Variants in NALF1 observed in about 807,000 individuals in gnomAD.
NALF1 encodes family with sequence similarity 155 member A.
In NALF1, 3 loss-of-function variants were observed where a neutral mutation model predicts 48.4. The observed-to-expected ratio is 0.06, with a 90% CI of 0.03 to 0.16. NALF1 has a LOEUF of 0.16. NALF1 is among the 10% of genes least tolerant of loss of function. The pLI is 1.00. For synonymous variants in NALF1, 262 were observed against 245.7 expected (o/e 1.07, Z -0.62); for missense variants, 526 against 571.5 (o/e 0.92, Z 0.81).
intron 1 of NALF1, among the ~76,000 whole-genome samples, chr13:107,708,374 A>G (rs1428922169): frequency 6.6e-6 from 1 of 152,156 alleles, no homozygotes; most frequent in African/African-American, 2.4e-5. Context: ...CATTCCTAAC[A>G]AATGCAGTCA....
intron 1 of NALF1, among the ~76,000 whole-genome samples, chr13:107,694,297 TTCCA>T (rs1881646539): frequency 7.5e-6 from 1 of 132,494 alleles, no homozygotes; most frequent in Non-Finnish European, 1.7e-5. Context: ...CTCAATACTA[TTCCA>T]CCTGCTTTAT....
chr13:107,855,278 C>T (rs907966838), intron 1 of NALF1, among the ~76,000 whole-genome samples: 1 of 152,224 alleles, frequency 6.6e-6, no homozygotes, highest in African/African-American at 2.4e-5. Context: ...ATTGTCCAAC[C>T]CCCGGCCCGT....
intron 1 of NALF1, among the ~76,000 whole-genome samples, chr13:107,321,881 A>G (rs1439180237): frequency 6.6e-6 from 1 of 152,156 alleles, no homozygotes. Context: ...AAAAAACGGT[A>G]TATATTTCAT....
chr13:107,247,160 G>A (rs1193172096), intron 1 of NALF1, among the ~76,000 whole-genome samples: 1 of 152,086 alleles, frequency 6.6e-6, no homozygotes, highest in Non-Finnish European at 1.5e-5. Flanking sequence ...AGATGGAAAT[G>A]CAACAGTGAA....
chr13:107,855,282 G>A (rs1163821556), intron 1 of NALF1, among the ~76,000 whole-genome samples: 8 of 152,262 alleles, frequency 5.3e-5, no homozygotes, highest in South Asian at 2.1e-4. Flanking sequence ...TCCAACCCCC[G>A]GCCCGTGGGC....
chr13:107,866,509 T>G lies in NALF1; in HGVS notation c.88A>C (p.Ile30Leu). 6.2e-7 allele frequency: 1 copy of G among 1,614,040 alleles called. No homozygotes were observed. Among genetic ancestry groups the G allele is most frequent in the Non-Finnish European group, 8.5e-7 (1 of 1,180,018 alleles). The part of the protein sequence containing the change: ...AAPRENEKPF[I>L]DSERAQKWRL... ...CATTTCTGAGCCCTCTCGGAATCGA[T>G]GAACGGTTTCTCGTTCTCTCGGGGT... The change falls in exon 1 of 3, where the codon ATC becomes CTC. Residue 30 changes from isoleucine (I) to leucine (L), a missense_variant. Around this residue, in one of 2 missense-constraint regions of NALF1, gnomAD observed 373 missense variants for 355.5 expected, o/e 1.05. Transcript: ENST00000375915. The surrounding 1 kb of genome is among the most constrained non-coding windows in gnomAD (Gnocchi z 4.4).
chr13:107,541,155 T>C (rs900506714), intron 1 of NALF1, among the ~76,000 whole-genome samples: 1 of 152,094 alleles, frequency 6.6e-6, no homozygotes, highest in Non-Finnish European at 1.5e-5. Context: ...TGCAATTAAT[T>C]ATTCAACTGT....
At chr13:107,547,869 A>G (rs1180222517) in intron 1 of NALF1, among the ~76,000 whole-genome samples, 1 of 152,218 alleles carries the variant, frequency 6.6e-6, no homozygotes, top group East Asian at 1.9e-4. Context: ...AAGGGTTGCG[A>G]CTGCAAGACC....
intron 1 of NALF1, among the ~76,000 whole-genome samples, chr13:107,403,827 C>T (rs1478402151): frequency 6.6e-6 from 1 of 151,914 alleles, no homozygotes; most frequent in South Asian, 2.1e-4. Flanking sequence ...TCTTTCTTCA[C>T]ATAACCATAA....
At chr13:107,822,455 A>G (rs1307632849) in intron 1 of NALF1, among the ~76,000 whole-genome samples, 1 of 152,158 alleles carries the variant, frequency 6.6e-6, no homozygotes, top group African/African-American at 2.4e-5. Flanking sequence ...TGGAAATGTA[A>G]GACTTACTGA....
chr13:107,785,246 G>A (rs189730421), intron 1 of NALF1, among the ~76,000 whole-genome samples: 82 of 152,112 alleles, frequency 5.4e-4, no homozygotes, highest in African/African-American at 1.3e-3. Context: ...TGAGCTCCCA[G>A]GAGGCAGTAG....
At chr13:107,398,680 T>C (rs1257387742) in intron 1 of NALF1, among the ~76,000 whole-genome samples, 2 of 152,186 alleles carry the variant, frequency 1.3e-5, no homozygotes, top group Non-Finnish European at 2.9e-5. Context: ...TATAACCTCA[T>C]GTGCTTCAAT....
At chr13:107,819,683 T>TTCTCTCTCATTCTC (rs1555327953) in intron 1 of NALF1, among the ~76,000 whole-genome samples, 1 of 136,468 alleles carries the variant, frequency 7.3e-6, no homozygotes, top group Non-Finnish European at 1.6e-5. Context: ...CAGCTGGAAA[T>TTCTCTCTCATTCTC]TCTCTCTCTC....
chr13:107,526,340 G>T (rs1339863529), intron 1 of NALF1, among the ~76,000 whole-genome samples: 4 of 151,970 alleles, frequency 2.6e-5, no homozygotes, highest in African/African-American at 9.7e-5. Flanking sequence ...GCTTTTCCTG[G>T]CAGCAATATA....
intron 1 of NALF1, among the ~76,000 whole-genome samples, chr13:107,716,585 T>G (rs1326664597): frequency 1.3e-5 from 2 of 152,210 alleles, no homozygotes; most frequent in African/African-American, 4.8e-5. Flanking sequence ...TTTACAAATC[T>G]TTACAGGGCA....
chr13:107,551,874 T>A (rs1024020340), intron 1 of NALF1, among the ~76,000 whole-genome samples: 2 of 152,166 alleles, frequency 1.3e-5, no homozygotes, highest in African/African-American at 4.8e-5. Context: ...TTAGAGTTAT[T>A]CTTCAGTCAT....
chr13:107,755,127 T>C (rs1344147419), intron 1 of NALF1, among the ~76,000 whole-genome samples: 1 of 152,180 alleles, frequency 6.6e-6, no homozygotes, highest in South Asian at 2.1e-4. Context: ...AAACAATTGT[T>C]ATTTTTTTTT....
At chr13:107,662,404 T>C (rs1212075679) in intron 1 of NALF1, among the ~76,000 whole-genome samples, 3 of 152,198 alleles carry the variant, frequency 2.0e-5, no homozygotes, top group Non-Finnish European at 4.4e-5. Flanking sequence ...CCACATTTTA[T>C]TTAGCAGACT....
intron 1 of NALF1, among the ~76,000 whole-genome samples, chr13:107,601,002 G>C (rs560918893): frequency 5.3e-4 from 64 of 121,710 alleles, no homozygotes; most frequent in African/African-American, 1.8e-3. Context: ...AGATATAAGG[G>C]AGAGGTATAA....
Sources: gnomAD v4.1 joint callset for allele counts (sites outside exome capture counted in the v4.1 genomes callset) on GRCh38, gnomAD v4.1.1 for gene constraint, gnomAD v4.1.1 regional missense constraint, Gnocchi (gnomAD v3.1) non-coding constraint, MANE v1.5 for transcripts, NCBI Gene and HGNC (gene_info 2026-07-23, HGNC 2026-07-21) for gene names.